STXBP6: variants seen among roughly 807,000 people sequenced by gnomAD.
STXBP6 encodes the protein syntaxin-binding protein 6.
In STXBP6, 21 loss-of-function variants were observed where a neutral mutation model predicts 26.9. That is an observed-to-expected ratio of 0.78 (90% CI 0.55 to 1.12). STXBP6 has a LOEUF of 1.12. Ranked by LOEUF, STXBP6 falls within the 50% of genes most tolerant of loss-of-function variation. The pLI is 0.00. For missense variants in STXBP6, 232 were observed against 257.9 expected, an observed-to-expected ratio of 0.90 and a Z score of 0.69; for synonymous variants, 97 against 92.6, an observed-to-expected ratio of 1.05 and a Z score of -0.27.
At chr14:25,047,788 T>C (rs1311271292) in intron 1 of STXBP6, among the ~76,000 whole-genome samples, 1 of 152,234 alleles carries the variant, frequency 6.6e-6, no homozygotes, top group African/African-American at 2.4e-5. Flanking sequence ...TGGCTTTTAA[T>C]CTTCATAGAC....
chr14:24,918,217 G>C (rs1189244316), intron 2 of STXBP6, among the ~76,000 whole-genome samples: 1 of 151,812 alleles, frequency 6.6e-6, no homozygotes, highest in African/African-American at 2.4e-5. Flanking sequence ...ACAGATGTGT[G>C]AATAAACTAA....
At chr14:24,959,598 GAC>G (rs1200342492) in intron 2 of STXBP6, among the ~76,000 whole-genome samples, 1 of 152,172 alleles carries the variant, frequency 6.6e-6, no homozygotes, top group Non-Finnish European at 1.5e-5. Flanking sequence ...TGTTTTTGGA[GAC>G]ACAGTATTTG....
intron 2 of STXBP6, among the ~76,000 whole-genome samples, chr14:24,875,975 T>C (rs2070128550): frequency 1.3e-5 from 2 of 152,126 alleles, no homozygotes; most frequent in Admixed American, 1.3e-4. Context: ...GTGTATTTAT[T>C]ATCATCACAA....
chr14:24,996,299 A>G (rs2074600028), intron 1 of STXBP6, among the ~76,000 whole-genome samples: 1 of 152,166 alleles, frequency 6.6e-6, no homozygotes, highest in African/African-American at 2.4e-5. Context: ...AGTAGATCAT[A>G]ACGTTTTGTG....
chr14:24,901,718 G>A (rs1229399179), intron 2 of STXBP6, among the ~76,000 whole-genome samples: 1 of 152,106 alleles, frequency 6.6e-6, no homozygotes, highest in Non-Finnish European at 1.5e-5. Context: ...ATATGGATGA[G>A]TCTCAAAAAC....
intron 2 of STXBP6, among the ~76,000 whole-genome samples, chr14:24,953,133 T>C (rs898721355): frequency 1.3e-5 from 2 of 152,110 alleles, no homozygotes; most frequent in Non-Finnish European, 2.9e-5. Flanking sequence ...CTGCCAACAC[T>C]CCTTGACTCA....
At chr14:25,040,311 G>C (rs1253947396) in intron 1 of STXBP6, among the ~76,000 whole-genome samples, 2 of 152,206 alleles carry the variant, frequency 1.3e-5, no homozygotes, top group African/African-American at 4.8e-5. Flanking sequence ...GGTTAGAATT[G>C]AAGGTAGAAA....
intron 1 of STXBP6, among the ~76,000 whole-genome samples, chr14:25,029,057 G>A (rs956748684): frequency 6.6e-6 from 1 of 152,150 alleles, no homozygotes. Context: ...AGGTGGTGAA[G>A]ATGCTGTGAA....
At chr14:24,905,356 C>A (rs1196049604) in intron 2 of STXBP6, among the ~76,000 whole-genome samples, 3 of 152,128 alleles carry the variant, frequency 2.0e-5, no homozygotes, top group Non-Finnish European at 4.4e-5. Flanking sequence ...TACCTACTTA[C>A]AGGAGTGTTA....
chr14:24,845,040 C>A (rs1454723511), intron 4 of STXBP6, among the ~76,000 whole-genome samples: 2 of 148,332 alleles, frequency 1.3e-5, no homozygotes, highest in Non-Finnish European at 3.0e-5. Flanking sequence ...GAGGTGGAGT[C>A]TCACTCTGTC....
chr14:25,028,459 G>A, intron 1 of STXBP6, among the ~76,000 whole-genome samples: 1 of 152,028 alleles, frequency 6.6e-6, no homozygotes, highest in East Asian at 1.9e-4. Flanking sequence ...TCTGTTCACA[G>A]TATGGCTTAC....
chr14:25,046,175 GAAC>G (rs1428657559), intron 1 of STXBP6, among the ~76,000 whole-genome samples: 1 of 152,148 alleles, frequency 6.6e-6, no homozygotes, highest in Non-Finnish European at 1.5e-5. Context: ...TGAGAAAAGT[GAAC>G]AACAGTGATA....
chr14:24,842,488 T>C (rs778497513), intron 4 of STXBP6, among the ~76,000 whole-genome samples: 8 of 152,232 alleles, frequency 5.3e-5, no homozygotes, highest in Non-Finnish European at 1.2e-4. Context: ...GCTATTTCTT[T>C]TTAATTTCCT....
At chr14:24,890,983 C>T (rs1359802632) in intron 2 of STXBP6, among the ~76,000 whole-genome samples, 2 of 152,196 alleles carry the variant, frequency 1.3e-5, no homozygotes, top group South Asian at 4.1e-4. Context: ...TGCACTGCTG[C>T]CATCTGGGCT....
intron 4 of STXBP6, among the ~76,000 whole-genome samples, chr14:24,855,469 T>C (rs2069296123): frequency 6.6e-6 from 1 of 152,042 alleles, no homozygotes; most frequent in South Asian, 2.1e-4. Flanking sequence ...CTGTATGCCA[T>C]TCAAGGAATA....
intron 2 of STXBP6, among the ~76,000 whole-genome samples, chr14:24,887,052 A>T (rs2139486917): frequency 6.6e-6 from 1 of 152,348 alleles, no homozygotes; most frequent in Non-Finnish European, 1.5e-5. Context: ...CAGGACTCAA[A>T]GCATGAATGA....
At chr14:24,834,761 G>C (rs1013780760) in intron 4 of STXBP6, among the ~76,000 whole-genome samples, 11 of 152,160 alleles carry the variant, frequency 7.2e-5, no homozygotes, top group African/African-American at 2.4e-4. Context: ...AGTTTTAAGA[G>C]ACACTGAGGG....
intron 1 of STXBP6, among the ~76,000 whole-genome samples, chr14:25,043,467 C>T (rs2075674586): frequency 6.6e-6 from 1 of 152,028 alleles, no homozygotes. Flanking sequence ...AATTCATATA[C>T]CATAAAATTC....
At chr14:25,030,940 A>G (rs1348603985) in intron 1 of STXBP6, among the ~76,000 whole-genome samples, 2 of 152,146 alleles carry the variant, frequency 1.3e-5, no homozygotes, top group Non-Finnish European at 1.5e-5. Flanking sequence ...AAAAAAAATC[A>G]CAAGTTCCAG....
Sources: gnomAD v4.1 joint callset for allele counts (sites outside exome capture counted in the v4.1 genomes callset) on GRCh38, gnomAD v4.1.1 for gene constraint, MANE v1.5 for transcripts, NCBI Gene and HGNC (gene_info 2026-07-23, HGNC 2026-07-21) for gene names.